Variants in KRTAP4-6 observed in about 807,000 individuals in gnomAD.
KRTAP4-6 encodes keratin associated protein 4-6, also known as keratin-associated protein 4-6.
In KRTAP4-6, 1 loss-of-function variant was observed where a neutral mutation model predicts 3.6. That is an observed-to-expected ratio of 0.28 (90% CI 0.10 to 1.32). The LOEUF (loss-of-function observed/expected upper bound fraction) is 1.32. Among genes scored for constraint, KRTAP4-6 ranks in the 40% most tolerant of loss-of-function variants. The probability of loss-of-function intolerance (pLI) is 0.45; values close to 1 mark genes in which losing one functional copy is unlikely to be tolerated. For synonymous variants in KRTAP4-6, 97 were observed against 96.7 expected (o/e 1.00, Z -0.02); for missense variants, 275 against 280.3 (o/e 0.98, Z 0.14).
At chr17:41,140,298 T>G (rs776791288) in exon 1 of KRTAP4-6, 3 of 1,590,080 alleles carry the variant, frequency 1.9e-6, no homozygotes. Flanking sequence ...GGACAGCAGC[T>G]GGGACGGCAG....
At chr17:41,140,486 A>C in exon 1 of KRTAP4-6, 1 of 1,610,312 alleles carries the variant, frequency 6.2e-7, no homozygotes, top group Non-Finnish European at 8.5e-7. Flanking sequence ...GGAGCTGACC[A>C]TGGTGTCAGA....
At chr17:41,140,189 C>T in exon 1 of KRTAP4-6, 3 of 1,584,478 alleles carry the variant, frequency 1.9e-6, no homozygotes, top group South Asian at 1.1e-5. Context: ...AGTGGGCTGG[C>T]AGCACACAGA....
At chr17:41,140,183 G>A (rs747486935) in exon 1 of KRTAP4-6, 10 of 1,584,616 alleles carry the variant, frequency 6.3e-6, no homozygotes, top group African/African-American at 1.3e-5. Context: ...GCAGCAAGTG[G>A]GCTGGCAGCA....
chr17:41,139,832 G>A (rs1205715513), exon 1 of KRTAP4-6: 4 of 1,544,242 alleles, frequency 2.6e-6, no homozygotes, highest in Non-Finnish European at 3.5e-6. Flanking sequence ...TCTGTGAGGA[G>A]TGAGCTGAAG....
upstream of KRTAP4-6, chr17:41,140,504 G>A (rs559777266): frequency 1.8e-5 from 28 of 1,596,296 alleles, no homozygotes; most frequent in East Asian, 1.1e-4. Context: ...AGAGGGTAAA[G>A]GTTCTGGGTG....
chr17:41,140,127 CACAGCAGCTGGGGCG>C lies in KRTAP4-6; in HGVS notation c.346_360del (p.Arg116_Cys120del), dbSNP rs1436614374. On this transcript the variant is annotated inframe_deletion, in exon 1 of 1. Coordinates refer to ENST00000345847, the Ensembl canonical transcript of KRTAP4-6. Reference sequence around the variant, plus strand: ...CACTGGGACCTGCAGCACCTGGACACACAGCAGCTGGGGCGACAGCAGCTGGAGATGCTGCAGCTG... The same window carrying C: ...CACTGGGACCTGCAGCACCTGGACACACAGCAGCTGGAGATGCTGCAGCTG... 2.8e-6 allele frequency: 4 copies of C among 1,450,882 alleles called. 1 individual carries two copies. Among genetic ancestry groups the C allele is most frequent in the Admixed American group, 4.0e-5 (2 of 49,912 alleles). 89.9% of individuals were successfully genotyped at this position (1,450,882 alleles called of 1,614,324 possible).
exon 1 of KRTAP4-6, chr17:41,139,831 A>C (rs1483988311): frequency 6.5e-7 from 1 of 1,543,484 alleles, no homozygotes; most frequent in South Asian, 1.2e-5. Flanking sequence ...TTCTGTGAGG[A>C]GTGAGCTGAA....
chr17:41,139,991 C>T lies in KRTAP4-6; in HGVS notation c.497G>A (p.Arg166His), dbSNP rs369876116. Reference sequence around the variant, plus strand: ...GACTGGACGCAGGCAGCAGCAGGGGCGGCAGCAGCACGGGCGGCAGCAGCT... The same window carrying T: ...GACTGGACGCAGGCAGCAGCAGGGGTGGCAGCAGCACGGGCGGCAGCAGCT... The change falls in exon 1 of 1, where the codon CGC (arginine) becomes CAC (histidine). Residue 166 changes from arginine (R) to histidine (H), a missense_variant. By Grantham distance (29) the Arg-to-His change is conservative (BLOSUM62 0). Transcript: ENST00000345847. 89 of 1,586,008 alleles carry T rather than the reference C, an allele frequency of 5.6e-5. No homozygotes were observed. The East Asian group carries it at 6.7e-4, about 12-fold the overall frequency.
At chr17:41,139,456 G>A (rs867589526) in exon 1 of KRTAP4-6, 4 of 208,092 alleles carry the variant, frequency 1.9e-5, no homozygotes, top group Middle Eastern at 1.9e-3. Context: ...CAAAAGTGGA[G>A]TTTTATTCAG....
exon 1 of KRTAP4-6, chr17:41,140,389 G>T: frequency 6.2e-7 from 1 of 1,613,804 alleles, no homozygotes; most frequent in Non-Finnish European, 8.5e-7. Context: ...GGCAGCAGGT[G>T]GTCCTGCAGC....
At chr17:41,140,212 G>C (rs769292961) in exon 1 of KRTAP4-6, 4 of 1,583,930 alleles carry the variant, frequency 2.5e-6, no homozygotes, top group Non-Finnish European at 3.4e-6. Context: ...GGCAGCACTG[G>C]GGTCTGCAGC....
chr17:41,140,006 C>T (rs750082392), exon 1 of KRTAP4-6: 71 of 1,597,288 alleles, frequency 4.4e-5, no homozygotes, highest in Middle Eastern at 1.7e-4. Context: ...GCAGCACGGG[C>T]GGCAGCAGCT....
At chr17:41,139,856 T>G in exon 1 of KRTAP4-6, 1 of 1,563,334 alleles carries the variant, frequency 6.4e-7, no homozygotes, top group Non-Finnish European at 8.7e-7. Flanking sequence ...AGGAGATAGT[T>G]TCAGGCAAGG....
rs766489747 is a variant in KRTAP4-6, at chr17:41,140,235, A to G, written c.253T>C (p.Cys85Arg). ...TGGGGTCTGCAGCAGCTGGATACAC[A>G]GCAGCTAGGGCGGCAGCAGGTGGTC... The change falls in exon 1 of 1, where the codon TGT (cysteine) becomes CGT (arginine). Residue 85 changes from cysteine to arginine, a missense_variant. Cys to Arg is a radical substitution (Grantham distance 180). Coordinates refer to ENST00000345847, the Ensembl canonical transcript of KRTAP4-6. The G allele has an allele frequency of 8.2e-6, 13 of 1,593,736 alleles. No homozygotes were observed. The highest frequency in any genetic ancestry group is 3.4e-4 in the Middle Eastern group (2 of 5,906).
chr17:41,140,056 G>T lies in KRTAP4-6; in HGVS notation c.432C>A (p.Cys144Ter), dbSNP rs1383530258. 1.9e-6 allele frequency: 3 copies of T among 1,613,360 alleles called. No homozygotes were observed. Among genetic ancestry groups the T allele is most frequent in the Admixed American group, 1.7e-5 (1 of 59,948 alleles). Residue 144 changes from cysteine (C) to a stop codon, truncating the protein, a stop_gained, in exon 1 of 1, where the codon TGC becomes TGA. Coordinates refer to ENST00000345847, the Ensembl canonical transcript of KRTAP4-6. LOFTEE classifies it high-confidence loss of function. ...AGGGGCGGCAGCAGCTGGAGATGCA[G>T]CAGCTGGGACGGCAGCAGGTTGGCT... is the stretch of plus-strand genomic sequence containing the variant.
exon 1 of KRTAP4-6, chr17:41,140,129 C>T (rs749443399): frequency 3.4e-6 from 5 of 1,451,096 alleles, no homozygotes; most frequent in East Asian, 2.6e-5. Flanking sequence ...CCTGGACACA[C>T]AGCAGCTGGG....
chr17:41,140,316 G>A, exon 1 of KRTAP4-6: 7 of 1,608,344 alleles, frequency 4.4e-6, no homozygotes, highest in South Asian at 3.3e-5. Context: ...CAGCAGGTGG[G>A]CTGGCAGCAC....
chr17:41,140,508 C>T, upstream of KRTAP4-6: 1 of 1,595,136 alleles, frequency 6.3e-7, no homozygotes, highest in East Asian at 2.2e-5. Context: ...GGTAAAGGTT[C>T]TGGGTGGGTT....
exon 1 of KRTAP4-6, chr17:41,139,530 C>T: frequency 5.4e-6 from 2 of 371,596 alleles, no homozygotes; most frequent in Non-Finnish European, 9.6e-6. Context: ...AACAATCAGA[C>T]TTTCAAATCT....
Sources: allele counts gnomAD v4.1 joint callset, GRCh38; gene constraint gnomAD v4.1.1; transcripts MANE v1.5; gene names NCBI Gene and HGNC (gene_info 2026-07-23, HGNC 2026-07-21).